Variants in ZNF385D observed in about 807,000 individuals in gnomAD.
The protein encoded by ZNF385D is zinc finger protein 659.
ZNF385D carries 15 observed loss-of-function variants against 35.8 expected under a neutral mutation model. The ratio of observed to expected loss-of-function variants is 0.42; its 90% CI spans 0.28 to 0.64. The LOEUF is 0.64. ZNF385D is among the 30% of genes least tolerant of loss of function. The pLI is 0.23. For synonymous variants in ZNF385D, 212 were observed against 186.8 expected, an observed-to-expected ratio of 1.13 and a Z score of -1.10; for missense variants, 474 against 494.6, an observed-to-expected ratio of 0.96 and a Z score of 0.39.
intron 2 of ZNF385D, among the ~76,000 whole-genome samples, chr3:22,201,959 G>C (rs1576487887): frequency 6.6e-6 from 1 of 151,908 alleles, no homozygotes; most frequent in South Asian, 2.1e-4. Flanking sequence ...AAAAAATTGA[G>C]TGTGTTAGAT....
At chr3:22,255,116 T>C (rs527896839) in intron 2 of ZNF385D, among the ~76,000 whole-genome samples, 1 of 151,874 alleles carries the variant, frequency 6.6e-6, no homozygotes, top group African/African-American at 2.4e-5. Context: ...GTACTGAGAC[T>C]TGGGAAAACA....
chr3:22,025,443 A>G (rs578067758), intron 3 of ZNF385D, among the ~76,000 whole-genome samples: 1 of 152,254 alleles, frequency 6.6e-6, no homozygotes, highest in East Asian at 1.9e-4. Context: ...TGAGTTCTCT[A>G]ATCTATATAA....
At chr3:22,084,295 TAG>T (rs1700914381) in intron 3 of ZNF385D, among the ~76,000 whole-genome samples, 1 of 151,596 alleles carries the variant, frequency 6.6e-6, no homozygotes, top group Non-Finnish European at 1.5e-5. Flanking sequence ...GCAAATTGGA[TAG>T]AGTCAAGACT....
chr3:22,370,767 G>A (rs1320806761), intron 2 of ZNF385D, among the ~76,000 whole-genome samples: 2 of 152,136 alleles, frequency 1.3e-5, no homozygotes, highest in African/African-American at 4.8e-5. Context: ...GGATTGTTAG[G>A]CATTTACGTT....
chr3:22,293,971 A>G (rs180671917), intron 2 of ZNF385D, among the ~76,000 whole-genome samples: 3 of 151,752 alleles, frequency 2.0e-5, no homozygotes, highest in East Asian at 3.9e-4. Context: ...TTTGGGATCA[A>G]TGAATTTTCT....
intron 3 of ZNF385D, among the ~76,000 whole-genome samples, chr3:21,911,579 T>C (rs981500560): frequency 6.6e-6 from 1 of 152,024 alleles, no homozygotes; most frequent in African/African-American, 2.4e-5. Flanking sequence ...ATGATATTCA[T>C]ATATCACTTG....
chr3:21,689,575 A>C (rs1354730829), intron 1 of ZNF385D, among the ~76,000 whole-genome samples: 1 of 152,186 alleles, frequency 6.6e-6, no homozygotes, highest in Admixed American at 6.5e-5. Flanking sequence ...ATATGCATTT[A>C]GTTCACAGGT....
At chr3:21,737,354 T>C (rs921066591) in intron 1 of ZNF385D, among the ~76,000 whole-genome samples, 3 of 152,236 alleles carry the variant, frequency 2.0e-5, no homozygotes, top group African/African-American at 4.8e-5. Context: ...TTAGATACCA[T>C]GTAGCCATAA....
In ZNF385D at chr3:21,617,272, C is replaced by T. The variant is rs538048973; in HGVS notation, c.165+47614G>A. Among the ~76,000 whole-genome samples, 128 of 152,238 alleles carry T rather than the reference C, an allele frequency of 8.4e-4. 1 individual carries two copies. The highest frequency in any genetic ancestry group is 3.3e-3 in the South Asian group (16 of 4,826). ...AACAATAACCTAAGTTCTTCATGTC[C>T]AGGTTTCCCTGGCAAGAACTCAGAG... On this transcript the variant is annotated intron_variant, in intron 2 of 7. Transcript: ENST00000281523.
chr3:21,931,801 T>C (rs553173902), intron 3 of ZNF385D, among the ~76,000 whole-genome samples: 5 of 152,226 alleles, frequency 3.3e-5, no homozygotes, highest in African/African-American at 1.2e-4. Context: ...TTAAAAGTCA[T>C]TGGATTGTAC....
At position 21,759,799 on chromosome 3, in the gene ZNF385D, T is replaced by C. The variant is rs73140838; in HGVS notation, c.326-94771A>G. Among the ~76,000 whole-genome samples, 846 of 152,306 alleles carry C rather than the reference T, an allele frequency of 5.6e-3. 14 individuals are homozygous for C. The highest frequency in any genetic ancestry group is 0.02 in the African/African-American group (820 of 41,554). ...CTTATTTTGCCTTTAAAAAAAGAGATTCTTCATGATAAATTGAGTGCAGCT... is the reference window on the plus strand; with the variant it reads ...CTTATTTTGCCTTTAAAAAAAGAGACTCTTCATGATAAATTGAGTGCAGCT... On this transcript the variant is annotated intron_variant, in intron 3 of 5. Transcript: ENST00000494108.
Position 21,664,961 on chromosome 3 carries a change from C to T in ZNF385D, c.90G>A (p.Ser30=), listed in dbSNP as rs747950100. 76 of 1,613,430 alleles carry T rather than the reference C, an allele frequency of 4.7e-5. No homozygotes were observed. Among genetic ancestry groups the T allele is most frequent in the East Asian group, 1.1e-4 (5 of 44,850 alleles). ...VRPPAPPLQP[S]LDIKPFLPFP... Reference sequence around the variant, plus strand: ...AGGGAAGAAATGGTTTAATATCCAGCGATGGTTGCAAAGGAGGGGCTGGTG... The same window carrying T: ...AGGGAAGAAATGGTTTAATATCCAGTGATGGTTGCAAAGGAGGGGCTGGTG... Residue 30 remains serine, a synonymous_variant, in exon 2 of 8, where the codon TCG becomes TCA. Transcript: ENST00000281523.
At chr3:21,427,436 G>C (rs1701073356) in intron 5 of ZNF385D, among the ~76,000 whole-genome samples, 1 of 152,108 alleles carries the variant, frequency 6.6e-6, no homozygotes, top group Admixed American at 6.6e-5. Context: ...ATCTGTGATT[G>C]GTAGCTGGTG....
At chr3:21,845,489 A>T (rs752738305) in intron 3 of ZNF385D, among the ~76,000 whole-genome samples, 9 of 151,992 alleles carry the variant, frequency 5.9e-5, no homozygotes, top group Non-Finnish European at 1.3e-4. Context: ...ATACAAAGAT[A>T]TTTCTAAGTA....
At chr3:22,087,120 A>T (rs1701087241) in intron 3 of ZNF385D, among the ~76,000 whole-genome samples, 2 of 152,196 alleles carry the variant, frequency 1.3e-5, no homozygotes, top group South Asian at 2.1e-4. Flanking sequence ...TGTTAATTAG[A>T]AAAGTGTGTA....
intron 1 of ZNF385D, among the ~76,000 whole-genome samples, chr3:21,692,706 C>T (rs771131951): frequency 9.2e-5 from 14 of 152,348 alleles, no homozygotes; most frequent in Non-Finnish European, 4.4e-5. Flanking sequence ...CTTCATTCGT[C>T]TTCCTATATT....
intron 2 of ZNF385D, among the ~76,000 whole-genome samples, chr3:22,242,132 G>A (rs1699532676): frequency 6.6e-6 from 1 of 150,702 alleles, no homozygotes; most frequent in African/African-American, 2.5e-5. Context: ...GCTAGATGAC[G>A]AGTTAGTGGG....
chr3:22,049,802 G>C (rs919675549), intron 3 of ZNF385D, among the ~76,000 whole-genome samples: 4 of 152,048 alleles, frequency 2.6e-5, no homozygotes, highest in African/African-American at 7.2e-5. Flanking sequence ...TATTGCATTT[G>C]CTGATTTGTG....
chr3:21,737,464 T>TAC (rs905337554), intron 1 of ZNF385D, among the ~76,000 whole-genome samples: 1 of 124,986 alleles, frequency 8.0e-6, no homozygotes, highest in Non-Finnish European at 1.8e-5. Flanking sequence ...GGGGGATATA[T>TAC]ATACACACAC....
Sources: allele counts gnomAD v4.1 joint callset (sites outside exome capture counted in the v4.1 genomes callset), GRCh38; gene constraint gnomAD v4.1.1; transcripts MANE v1.5; gene names NCBI Gene and HGNC (gene_info 2026-07-23, HGNC 2026-07-21).